The following CCDC150 variants were observed in gnomAD, a reference collection of about 807,000 sequenced individuals.
The protein encoded by CCDC150 is coiled-coil domain-containing protein 150.
A neutral mutation model predicts 156.5 loss-of-function variants in CCDC150; 151 were observed. The observed-to-expected ratio is 0.97, with a 90% confidence interval of 0.85 to 1.10. CCDC150 has a LOEUF of 1.10. Ranked by LOEUF, CCDC150 falls within the 50% of genes least tolerant of loss-of-function variation. The pLI is 0.00. For synonymous variants in CCDC150, 452 were observed against 429.4 expected (o/e 1.05, Z -0.65); for missense variants, 1,312 against 1,268.1 (o/e 1.03, Z -0.53).
chr2:196,672,131 TAA>T (rs1553554422), intron 8 of CCDC150, among the ~76,000 whole-genome samples: 1 of 152,188 alleles, frequency 6.6e-6, no homozygotes, highest in Non-Finnish European at 1.5e-5. Flanking sequence ...TTGTTTTAAA[TAA>T]ACAGTTTTGA....
intron 13 of CCDC150, among the ~76,000 whole-genome samples, chr2:196,693,730 G>A (rs1027646491): frequency 6.6e-6 from 1 of 151,984 alleles, no homozygotes; most frequent in African/African-American, 2.4e-5. Flanking sequence ...CAGTTTTAGG[G>A]GGAAAGTTTT....
intron 2 of CCDC150, among the ~76,000 whole-genome samples, chr2:196,647,891 A>T (rs751237543): frequency 6.6e-6 from 1 of 152,084 alleles, no homozygotes; most frequent in East Asian, 1.9e-4. Context: ...CTGACGAACA[A>T]TCTCTTCTTT....
intron 21 of CCDC150, among the ~76,000 whole-genome samples, chr2:196,725,614 A>G (rs1036639406): frequency 1.3e-5 from 2 of 152,252 alleles, no homozygotes; most frequent in African/African-American, 4.8e-5. Flanking sequence ...TCCAAAACCC[A>G]TAGTCTTAAT....
intron 25 of CCDC150, among the ~76,000 whole-genome samples, 198 bp downstream of exon 25, chr2:196,730,316 T>G (rs1698454112): frequency 6.6e-6 from 1 of 152,232 alleles, no homozygotes; most frequent in Non-Finnish European, 1.5e-5. Context: ...TTCTCCATTT[T>G]CAGTTTAATA....
intron 15 of CCDC150, among the ~76,000 whole-genome samples, chr2:196,709,312 G>A (rs1696908973): frequency 6.6e-6 from 1 of 152,120 alleles, no homozygotes; most frequent in Non-Finnish European, 1.5e-5. Flanking sequence ...TGAAGCTTGT[G>A]TATGCATCAC....
intron 2 of CCDC150, among the ~76,000 whole-genome samples, chr2:196,653,858 C>G (rs1693023446): frequency 6.6e-6 from 1 of 152,132 alleles, no homozygotes; most frequent in Non-Finnish European, 1.5e-5. Context: ...AAAGAAAAGA[C>G]AAATATTTGG....
intron 2 of CCDC150, among the ~76,000 whole-genome samples, chr2:196,650,454 C>T (rs1042372061): frequency 3.3e-5 from 5 of 152,062 alleles, no homozygotes; most frequent in South Asian, 2.1e-4. Flanking sequence ...AGTGCAGTGG[C>T]GTAATCTTGG....
intron 9 of CCDC150, among the ~76,000 whole-genome samples, chr2:196,673,572 C>G (rs1694330884): frequency 6.6e-6 from 1 of 151,986 alleles, no homozygotes; most frequent in South Asian, 2.1e-4. Flanking sequence ...GTGTTTTCTT[C>G]CTAGTGCTCT....
intron 7 of CCDC150, among the ~76,000 whole-genome samples, chr2:196,669,217 A>G (rs146619909): frequency 1.3e-5 from 2 of 152,300 alleles, no homozygotes; most frequent in East Asian, 1.9e-4. Context: ...GATGCCTTGC[A>G]GATATGTCAA....
intron 1 of CCDC150, among the ~76,000 whole-genome samples, chr2:196,642,866 A>G (rs975571926): frequency 7.2e-5 from 11 of 152,090 alleles, no homozygotes; most frequent in African/African-American, 2.4e-4. Context: ...CAGCCTCCCA[A>G]GTAGCTAGGG....
chr2:196,653,939 G>T (rs1355249555), intron 2 of CCDC150, among the ~76,000 whole-genome samples: 2 of 152,198 alleles, frequency 1.3e-5, no homozygotes, highest in Admixed American at 6.5e-5. Context: ...GCCTCAGGAA[G>T]CTTACAATCC....
intron 21 of CCDC150, among the ~76,000 whole-genome samples, chr2:196,723,817 G>C (rs1251467426): frequency 1.3e-5 from 2 of 152,164 alleles, no homozygotes; most frequent in Non-Finnish European, 2.9e-5. Flanking sequence ...AGATATAGAA[G>C]ATCACAAAGA....
rs1433876607 is a variant in CCDC150 at position 196,721,549 on chromosome 2, G to A, written c.2287G>A (p.Val763Ile). The A allele has an allele frequency of 6.2e-7, 1 of 1,606,240 alleles. No individual in the cohort carries two copies. Among genetic ancestry groups the A allele is most frequent in the Non-Finnish European group, 8.5e-7 (1 of 1,176,902 alleles). ...TGAATCTCTACAAAAAGCTCTAGGTGTAGCTAGAGAAGACAACAGGAAACT... is the reference window on the plus strand; with the variant it reads ...TGAATCTCTACAAAAAGCTCTAGGTATAGCTAGAGAAGACAACAGGAAACT... Reference protein sequence around the residue: ...EIESLQKALGVAREDNRKLAM... With the variant: ...EIESLQKALGIAREDNRKLAM... The change falls in exon 21 of 28, where the codon GTA becomes ATA. Residue 763 changes from valine to isoleucine, a missense_variant. Val to Ile is a conservative substitution (Grantham distance 29). Transcript: ENST00000389175.
At chr2:196,720,325 C>G (rs1056046581) in intron 19 of CCDC150, 3 of 446,818 alleles carry the variant, frequency 6.7e-6, no homozygotes, top group Non-Finnish European at 1.3e-5. Flanking sequence ...TTTAAAAGGT[C>G]AAGGGAATGG....
intron 13 of CCDC150, chr2:196,686,164 A>G (rs1427495945): frequency 5.1e-5 from 14 of 274,742 alleles, no homozygotes; most frequent in Non-Finnish European, 1.0e-4. Context: ...CTGATATCAC[A>G]TGATCAACAA....
Position 196,639,818 on chromosome 2 carries a change from A to C in CCDC150, c.12+40A>C, listed in dbSNP as rs754087397. 5 of 1,560,014 alleles carry C rather than the reference A, an allele frequency of 3.2e-6. No homozygotes were observed. In the African/African-American group the frequency reaches 6.8e-5, roughly 21 times the overall value. The stretch of plus-strand genomic sequence containing the variant: ...CCCCGGGCTGGTGAGGGGTGGTCGG[A>C]GGCTCGCGAGGCTTCGGCTCAGATA... On this transcript the variant is annotated intron_variant, in intron 1 of 27. Coordinates refer to ENST00000389175, the MANE Select transcript of CCDC150 (RefSeq NM_001080539.2).
chr2:196,700,938 T>TA (rs1696162530), intron 14 of CCDC150, among the ~76,000 whole-genome samples, 171 bp from the exon 15 acceptor site: 1 of 152,238 alleles, frequency 6.6e-6, no homozygotes, highest in Admixed American at 6.5e-5. Flanking sequence ...TGTTGCATAT[T>TA]AGCCCTGTGA....
chr2:196,732,258 T>C, intron 27 of CCDC150, 106 bp downstream of exon 27: 22 of 1,348,158 alleles, frequency 1.6e-5, no homozygotes, highest in Non-Finnish European at 2.2e-5. Context: ...TTTTAATCTT[T>C]AGTTTCTTTA....
chr2:196,639,855 C>T, intron 1 of CCDC150, 77 bp downstream of exon 1: 1 of 1,277,170 alleles, frequency 7.8e-7, no homozygotes, highest in Non-Finnish European at 1.1e-6. Flanking sequence ...GGACAGTCAC[C>T]ACTCCCTGGC....
Sources: gnomAD v4.1 joint callset for allele counts (sites outside exome capture counted in the v4.1 genomes callset) on GRCh38, gnomAD v4.1.1 for gene constraint, MANE v1.5 for transcripts, NCBI Gene and HGNC (gene_info 2026-07-23, HGNC 2026-07-21) for gene names.